The following KCNIP4 variants were observed in gnomAD, a reference collection of about 807,000 sequenced individuals.
The protein encoded by KCNIP4 is Kv channel-interacting protein 4.
A neutral mutation model predicts 34.0 loss-of-function variants in KCNIP4; 12 were observed. The ratio of observed to expected loss-of-function variants is 0.35; its 90% CI spans 0.23 to 0.57. The LOEUF (loss-of-function observed/expected upper bound fraction) is 0.57, where lower values mean the gene tolerates loss of function less well. Among genes scored for constraint, KCNIP4 ranks in the 20% least tolerant of loss-of-function variants. The pLI is 0.83. For synonymous variants in KCNIP4, 124 were observed against 102.2 expected (o/e 1.21, Z -1.29); for missense variants, 238 against 311.7 (o/e 0.76, Z 1.78).
At chr4:20,761,586 G>A (rs1560445644) in intron 3 of KCNIP4, among the ~76,000 whole-genome samples, 3 of 152,158 alleles carry the variant, frequency 2.0e-5, no homozygotes. Flanking sequence ...TGGCAAGCTT[G>A]TGCAAAGTTA....
intron 1 of KCNIP4, among the ~76,000 whole-genome samples, chr4:21,029,654 T>A (rs1346125859): frequency 6.6e-6 from 1 of 152,214 alleles, no homozygotes; most frequent in Non-Finnish European, 1.5e-5. Context: ...GTGCACTACC[T>A]GCCATCTGGG....
chr4:21,056,442 T>C lies in KCNIP4; in HGVS notation c.62-173733A>G, dbSNP rs74959112. Among the ~76,000 whole-genome samples, 239 of 152,308 alleles carry C rather than the reference T, an allele frequency of 1.6e-3. 1 individual carries two copies. Among genetic ancestry groups the C allele is most frequent in the East Asian group, 9.7e-3 (50 of 5,174 alleles). On this transcript the variant is annotated intron_variant, in intron 1 of 8. Transcript: ENST00000382152. ...AAACATATAATCTCTATCATCTGCA[T>C]GGCAAATTGTCACGTATTTGTCCAC...
chr4:21,449,587 A>G (rs773351825), intron 1 of KCNIP4, among the ~76,000 whole-genome samples: 1 of 151,522 alleles, frequency 6.6e-6, no homozygotes, highest in Non-Finnish European at 1.5e-5. Flanking sequence ...CCACATCTCC[A>G]TATCACATAT....
intron 1 of KCNIP4, among the ~76,000 whole-genome samples, chr4:21,280,068 A>C (rs973658073): frequency 6.6e-6 from 1 of 152,180 alleles, no homozygotes; most frequent in African/African-American, 2.4e-5. Context: ...TAAATATTGC[A>C]GGGCTTTTTG....
chr4:21,421,949 T>C (rs1022308753), intron 1 of KCNIP4, among the ~76,000 whole-genome samples: 7 of 152,214 alleles, frequency 4.6e-5, no homozygotes, highest in Non-Finnish European at 1.5e-5. Context: ...ATCATATTAC[T>C]TTTTTCAATA....
chr4:21,449,553 A>G (rs1728335777), intron 1 of KCNIP4, among the ~76,000 whole-genome samples: 1 of 151,762 alleles, frequency 6.6e-6, no homozygotes, highest in Non-Finnish European at 1.5e-5. Flanking sequence ...CATGCTTTCT[A>G]TATCCTCCCC....
intron 1 of KCNIP4, among the ~76,000 whole-genome samples, chr4:20,929,759 G>T (rs1364844170): frequency 6.6e-6 from 1 of 151,718 alleles, no homozygotes; most frequent in Non-Finnish European, 1.5e-5. Context: ...TGAAAAAGAC[G>T]CTTTAAAATC....
intron 3 of KCNIP4, among the ~76,000 whole-genome samples, chr4:20,849,119 T>G (rs138816914): frequency 6.6e-6 from 1 of 152,252 alleles, no homozygotes; most frequent in East Asian, 1.9e-4. Context: ...CATGTTTATT[T>G]GTATGTATTG....
chr4:21,261,537 G>A (rs1481931781), intron 1 of KCNIP4, among the ~76,000 whole-genome samples: 2 of 152,052 alleles, frequency 1.3e-5, no homozygotes, highest in African/African-American at 2.4e-5. Flanking sequence ...ATTGAAAGCT[G>A]GCATGAAGAT....
intron 1 of KCNIP4, among the ~76,000 whole-genome samples, chr4:21,555,134 A>G (rs1278220674): frequency 2.0e-5 from 3 of 152,140 alleles, no homozygotes; most frequent in Non-Finnish European, 4.4e-5. Flanking sequence ...TCAAGAAGCG[A>G]AATAGTGGTA....
chr4:21,192,915 T>TCTACTACTACTACTA (rs576122943), intron 1 of KCNIP4, among the ~76,000 whole-genome samples: 2 of 94,282 alleles, frequency 2.1e-5, no homozygotes, highest in African/African-American at 1.4e-4. Context: ...CCGCCCCGTC[T>TCTACTACTACTACTA]CTACTACTAC....
intron 1 of KCNIP4, among the ~76,000 whole-genome samples, chr4:21,475,685 A>G (rs1730891465): frequency 6.6e-6 from 1 of 152,146 alleles, no homozygotes; most frequent in East Asian, 1.9e-4. Context: ...AGTCCTCGAA[A>G]TGCAAATTTG....
At chr4:21,640,489 G>A (rs931942326) in intron 1 of KCNIP4, among the ~76,000 whole-genome samples, 11 of 152,062 alleles carry the variant, frequency 7.2e-5, no homozygotes, top group African/African-American at 2.7e-4. Context: ...TAACATTCCA[G>A]TCTCCCTAAA....
intron 1 of KCNIP4, among the ~76,000 whole-genome samples, chr4:21,649,269 C>T (rs1233651873): frequency 6.6e-6 from 1 of 152,128 alleles, no homozygotes; most frequent in Non-Finnish European, 1.5e-5. Flanking sequence ...TAATTTTTAA[C>T]AATCATTTTT....
At chr4:21,250,000 A>G (rs1760574911) in intron 1 of KCNIP4, among the ~76,000 whole-genome samples, 1 of 152,096 alleles carries the variant, frequency 6.6e-6, no homozygotes, top group South Asian at 2.1e-4. Flanking sequence ...AGGGTTCAGA[A>G]TGGTGATTTC....
intron 3 of KCNIP4, among the ~76,000 whole-genome samples, chr4:20,791,032 T>C (rs2149403938): frequency 6.6e-6 from 1 of 152,298 alleles, no homozygotes; most frequent in Admixed American, 6.5e-5. Context: ...GTTTCTAAAA[T>C]ATTCTAAAAT....
chr4:21,615,203 A>G (rs1255010163), intron 1 of KCNIP4, among the ~76,000 whole-genome samples: 1 of 152,120 alleles, frequency 6.6e-6, no homozygotes, highest in African/African-American at 2.4e-5. Flanking sequence ...AAAAGAAAAA[A>G]ATAATGATTA....
At chr4:21,504,970 T>C (rs1733707327) in intron 1 of KCNIP4, among the ~76,000 whole-genome samples, 1 of 152,176 alleles carries the variant, frequency 6.6e-6, no homozygotes, top group Admixed American at 6.6e-5. Flanking sequence ...TAATATTCAC[T>C]ATAGTAACAA....
intron 1 of KCNIP4, among the ~76,000 whole-genome samples, chr4:21,386,641 A>T (rs1722060498): frequency 6.6e-6 from 1 of 152,156 alleles, no homozygotes; most frequent in Admixed American, 6.6e-5. Flanking sequence ...GCCTTACAAA[A>T]TCCTACTTTC....
Sources: allele counts gnomAD v4.1 joint callset (sites outside exome capture counted in the v4.1 genomes callset), GRCh38; gene constraint gnomAD v4.1.1; transcripts MANE v1.5; gene names NCBI Gene and HGNC (gene_info 2026-07-23, HGNC 2026-07-21).